MAP7: variants seen among roughly 807,000 people sequenced by gnomAD.
MAP7 encodes the protein microtubule associated protein 7.
In MAP7, 52 loss-of-function variants were observed where a neutral mutation model predicts 94.8. The observed-to-expected ratio is 0.55, with a 90% confidence interval of 0.44 to 0.69. The LOEUF (loss-of-function observed/expected upper bound fraction) is 0.69, where lower values mean the gene tolerates loss of function less well. Ranked by LOEUF, MAP7 falls within the 30% of genes least tolerant of loss-of-function variation. The probability of loss-of-function intolerance (pLI) is 0.00; values close to 1 mark genes in which losing one functional copy is unlikely to be tolerated. For missense variants in MAP7, 940 were observed against 964.6 expected, an observed-to-expected ratio of 0.97 and a Z score of 0.34; for synonymous variants, 350 against 357.0, an observed-to-expected ratio of 0.98 and a Z score of 0.22.
rs540408330 is a variant in MAP7, at chr6:136,443,292, A to G, written c.68-21493T>C. ...CAATTTCTAGGTGAGGTTAGTGGAA[A>G]AAAAGATGAAATTATTTTCCTCATC... is the stretch of plus-strand genomic sequence containing the variant. On this transcript the variant is annotated intron_variant, in intron 1 of 17. Coordinates refer to ENST00000354570, the MANE Select transcript of MAP7 (RefSeq NM_003980.6). Among the ~76,000 whole-genome samples the G allele has an allele frequency of 7.9e-5, 12 of 152,306 alleles. No individual in the cohort carries two copies. The East Asian group carries it at 2.3e-3, about 29-fold the overall frequency.
chr6:136,352,588 T>A (rs1345991766), intron 16 of MAP7, among the ~76,000 whole-genome samples: 1 of 152,218 alleles, frequency 6.6e-6, no homozygotes, highest in Non-Finnish European at 1.5e-5. Flanking sequence ...AGTTACTCCA[T>A]CCTATTTACT....
intron 3 of MAP7, among the ~76,000 whole-genome samples, chr6:136,395,415 T>C (rs1310574124): frequency 6.9e-6 from 1 of 145,940 alleles, no homozygotes; most frequent in Non-Finnish European, 1.5e-5. Flanking sequence ...TGGATTTTTT[T>C]TTTTTTTTTT....
chr6:136,538,811 A>G (rs1277226813), intron 1 of MAP7, among the ~76,000 whole-genome samples: 1 of 150,836 alleles, frequency 6.6e-6, no homozygotes, highest in Non-Finnish European at 1.5e-5. Flanking sequence ...AAAAAAAAAA[A>G]AAAAAAAAAG....
chr6:136,514,025 G>A lies in MAP7; in HGVS notation c.67+36317C>T, dbSNP rs767210857. ...TCTCTTCTTCAGCCTCTTGAACCTGGTGCCATCCCCGCTGGAGTCAATAGG... is the reference window on the plus strand; with the variant it reads ...TCTCTTCTTCAGCCTCTTGAACCTGATGCCATCCCCGCTGGAGTCAATAGG... On this transcript the variant is annotated intron_variant, in intron 1 of 17. Transcript: ENST00000354570. Among the ~76,000 whole-genome samples, 13 of 152,118 alleles carry A rather than the reference G, an allele frequency of 8.5e-5. No individual in the cohort carries two copies. In the South Asian group the frequency reaches 1.2e-3, roughly 15 times the overall value.
intron 1 of MAP7, among the ~76,000 whole-genome samples, chr6:136,437,432 TCTTTCCCTA>T (rs1347083996): frequency 1.3e-5 from 2 of 152,192 alleles, no homozygotes; most frequent in Non-Finnish European, 2.9e-5. Context: ...GTTGCATAAT[TCTTTCCCTA>T]GGGTACAGCT....
intron 1 of MAP7, among the ~76,000 whole-genome samples, chr6:136,499,179 C>A (rs942390627): frequency 6.6e-6 from 1 of 152,098 alleles, no homozygotes; most frequent in African/African-American, 2.4e-5. Context: ...CTTGGCCTCC[C>A]AAAGTGCTGG....
chr6:136,545,779 G>A (rs1014517135), intron 1 of MAP7, among the ~76,000 whole-genome samples: 6 of 148,402 alleles, frequency 4.0e-5, no homozygotes, highest in African/African-American at 5.0e-5. Flanking sequence ...TTTTATTTTT[G>A]TGGGTAAATA....
At chr6:136,431,365 A>G (rs1794833369) in intron 1 of MAP7, among the ~76,000 whole-genome samples, 1 of 152,176 alleles carries the variant, frequency 6.6e-6, no homozygotes, top group Non-Finnish European at 1.5e-5. Flanking sequence ...AAACAAAACC[A>G]AAACATAATG....
rs531206679 is a variant in MAP7, at chr6:136,503,449, C to T, written c.67+46893G>A. Reference sequence around the variant, plus strand: ...GAAGAATCTGAAACCTGGCTCTAACCCTGACCCGCCATGTCAATGGAGATG... The same window carrying T: ...GAAGAATCTGAAACCTGGCTCTAACTCTGACCCGCCATGTCAATGGAGATG... On this transcript the variant is annotated intron_variant, in intron 1 of 17. Transcript: ENST00000354570. 2.0e-5 allele frequency among the ~76,000 whole-genome samples: 3 copies of T among 152,204 alleles called. No individual in the cohort carries two copies. The East Asian group carries it at 5.8e-4, about 29-fold the overall frequency.
chr6:136,437,781 C>T (rs1319107842), intron 1 of MAP7, among the ~76,000 whole-genome samples: 1 of 152,098 alleles, frequency 6.6e-6, no homozygotes, highest in Non-Finnish European at 1.5e-5. Flanking sequence ...ACCCATTTTA[C>T]AAAACTTGAC....
At chr6:136,512,665 G>A (rs535523904) in intron 1 of MAP7, among the ~76,000 whole-genome samples, 1 of 152,252 alleles carries the variant, frequency 6.6e-6, no homozygotes, top group East Asian at 1.9e-4. Flanking sequence ...CCAAAACAGT[G>A]TACATAACTT....
intron 7 of MAP7, among the ~76,000 whole-genome samples, chr6:136,376,275 T>G (rs1428991693): frequency 1.3e-5 from 2 of 152,154 alleles, no homozygotes; most frequent in Non-Finnish European, 2.9e-5. Context: ...ATTTTTTGTA[T>G]TTTTAGTAGA....
At chr6:136,533,675 G>A (rs1017888127) in intron 1 of MAP7, among the ~76,000 whole-genome samples, 3 of 152,156 alleles carry the variant, frequency 2.0e-5, no homozygotes, top group Non-Finnish European at 4.4e-5. Flanking sequence ...GGCTCAGGAC[G>A]TTTACAGAAG....
chr6:136,443,315 AT>A (rs1164789011), intron 1 of MAP7, among the ~76,000 whole-genome samples: 21 of 152,202 alleles, frequency 1.4e-4, no homozygotes. Flanking sequence ...TATTTTCCTC[AT>A]CCAAATTTAC....
intron 16 of MAP7, among the ~76,000 whole-genome samples, chr6:136,350,333 C>G (rs1788814331): frequency 6.6e-6 from 1 of 152,080 alleles, no homozygotes; most frequent in African/African-American, 2.4e-5. Context: ...CATGGAATGC[C>G]TCACTAAAAA....
At chr6:136,542,660 T>C (rs1021782436) in intron 1 of MAP7, among the ~76,000 whole-genome samples, 1 of 151,630 alleles carries the variant, frequency 6.6e-6, no homozygotes, top group East Asian at 1.9e-4. Context: ...TCAGAATGCA[T>C]ACTCCACAGG....
chr6:136,370,726 A>C (rs1215788241), intron 8 of MAP7, among the ~76,000 whole-genome samples: 4 of 152,142 alleles, frequency 2.6e-5, no homozygotes, highest in Non-Finnish European at 5.9e-5. Context: ...TAGGAACAGA[A>C]ATTAAAACAG....
At chr6:136,378,326 G>A (rs758696874) in intron 6 of MAP7, among the ~76,000 whole-genome samples, 2 of 152,114 alleles carry the variant, frequency 1.3e-5, no homozygotes. Context: ...AATGAAAGAC[G>A]AGTTAAATAA....
At chr6:136,512,241 A>T (rs1204707852) in intron 1 of MAP7, among the ~76,000 whole-genome samples, 1 of 152,208 alleles carries the variant, frequency 6.6e-6, no homozygotes, top group Admixed American at 6.5e-5. Flanking sequence ...CAGTTATCTT[A>T]TGAGGAACCA....
Sources: gnomAD v4.1 joint callset for allele counts (sites outside exome capture counted in the v4.1 genomes callset) on GRCh38, gnomAD v4.1.1 for gene constraint, MANE v1.5 for transcripts, NCBI Gene and HGNC (gene_info 2026-07-23, HGNC 2026-07-21) for gene names.